The following DRD3 variants were observed in gnomAD, a reference collection of about 807,000 sequenced individuals.
DRD3 encodes the protein dopamine receptor D3, also known as D(3) dopamine receptor.
In DRD3, 19 loss-of-function variants were observed where a neutral mutation model predicts 36.3. The observed-to-expected ratio is 0.52, with a 90% CI of 0.36 to 0.77. The LOEUF is 0.77. Ranked by LOEUF, DRD3 falls within the 30% of genes least tolerant of loss-of-function variation. The pLI is 0.00. For synonymous variants in DRD3, 195 were observed against 203.7 expected (o/e 0.96, Z 0.36); for missense variants, 465 against 505.3 (o/e 0.92, Z 0.77).
At chr3:114,160,561 A>G (rs1419394813) in intron 2 of DRD3, among the ~76,000 whole-genome samples, 1 of 152,242 alleles carries the variant, frequency 6.6e-6, no homozygotes, top group Non-Finnish European at 1.5e-5. Flanking sequence ...GACTTCGGTG[A>G]CTACCCGATG....
At position 114,128,092 on chromosome 3, in the gene DRD3, T is replaced by C. The variant is rs1053600425; in HGVS notation, c.*624A>G. 6.6e-6 allele frequency among the ~76,000 whole-genome samples: 1 copy of C among 152,144 alleles called. No individual in the cohort carries two copies. Among genetic ancestry groups the C allele is most frequent in the Non-Finnish European group, 1.5e-5 (1 of 68,026 alleles). ...CTTAGCTAAAGCTAAAATACAAGGGTAGCAAAGTTTGAAATGAAGCCCCCA... is the reference window on the plus strand; with the variant it reads ...CTTAGCTAAAGCTAAAATACAAGGGCAGCAAAGTTTGAAATGAAGCCCCCA... On this transcript the variant is annotated 3_prime_UTR_variant, in exon 7 of 7. Coordinates refer to ENST00000383673, the MANE Select transcript of DRD3 (RefSeq NM_000796.6).
At chr3:114,169,209 G>A (rs1287599935) in intron 2 of DRD3, among the ~76,000 whole-genome samples, 4 of 151,418 alleles carry the variant, frequency 2.6e-5, no homozygotes, top group Non-Finnish European at 4.4e-5. Context: ...CTTTCATTAA[G>A]GTGCCTCATT....
At chr3:114,133,847 C>T (rs1290368330) in intron 5 of DRD3, among the ~76,000 whole-genome samples, 4 of 152,174 alleles carry the variant, frequency 2.6e-5, no homozygotes, top group Non-Finnish European at 4.4e-5. Context: ...CACTTCATAC[C>T]TCCATTCCCA....
At chr3:114,163,089 C>G (rs2077749014) in intron 2 of DRD3, among the ~76,000 whole-genome samples, 1 of 152,192 alleles carries the variant, frequency 6.6e-6, no homozygotes, top group Non-Finnish European at 1.5e-5. Flanking sequence ...TGGCTATCCT[C>G]TTTTCTTGTC....
intron 4 of DRD3, among the ~76,000 whole-genome samples, chr3:114,142,004 C>T (rs1040875989): frequency 1.8e-4 from 25 of 141,628 alleles, no homozygotes; most frequent in African/African-American, 6.1e-4. Flanking sequence ...GCTGAGATCG[C>T]GCCATTGCAC....
intron 3 of DRD3, among the ~76,000 whole-genome samples, chr3:114,156,287 G>A (rs768637850): frequency 2.6e-5 from 4 of 152,032 alleles, no homozygotes; most frequent in Non-Finnish European, 4.4e-5. Flanking sequence ...ATTACTTCCT[G>A]GATAGTCCAC....
At chr3:114,150,135 A>G (rs2077604020) in intron 3 of DRD3, among the ~76,000 whole-genome samples, 1 of 148,554 alleles carries the variant, frequency 6.7e-6, no homozygotes, top group East Asian at 2.0e-4. Flanking sequence ...ACCTCAACTT[A>G]CGTTGCCAAT....
chr3:114,197,436 A>G (rs1235158824), intron 1 of DRD3, among the ~76,000 whole-genome samples: 1 of 151,912 alleles, frequency 6.6e-6, no homozygotes, highest in Non-Finnish European at 1.5e-5. Context: ...TGTCTTCTAA[A>G]GGGCATAAGT....
chr3:114,198,147 A>G (rs1391016453), intron 1 of DRD3, among the ~76,000 whole-genome samples: 1 of 151,748 alleles, frequency 6.6e-6, no homozygotes. Context: ...CAGGTCTTTT[A>G]TATCTTTTGT....
At chr3:114,144,184 T>G (rs1183869186) in intron 4 of DRD3, among the ~76,000 whole-genome samples, 1 of 152,232 alleles carries the variant, frequency 6.6e-6, no homozygotes, top group Non-Finnish European at 1.5e-5. Flanking sequence ...CAGGAGCAAC[T>G]CCAAGTTGGA....
intron 1 of DRD3, among the ~76,000 whole-genome samples, chr3:114,173,352 A>G (rs187661660): frequency 6.6e-6 from 1 of 152,330 alleles, no homozygotes; most frequent in Admixed American, 6.5e-5. Context: ...TAACCTCTAT[A>G]GAATGATGTT....
intron 3 of DRD3, among the ~76,000 whole-genome samples, chr3:114,148,144 T>C (rs554217354): frequency 6.6e-6 from 1 of 152,288 alleles, no homozygotes; most frequent in Non-Finnish European, 1.5e-5. Flanking sequence ...TAACACAGGA[T>C]CACTGGATTG....
chr3:114,148,058 T>C (rs1171345910), intron 3 of DRD3, among the ~76,000 whole-genome samples: 1 of 152,142 alleles, frequency 6.6e-6, no homozygotes, highest in Non-Finnish European at 1.5e-5. Context: ...AGGTCAAAAA[T>C]AGCAGAAAGG....
At position 114,186,078 on chromosome 3, in the gene DRD3, C is replaced by A. The variant is rs76739663; in HGVS notation, c.-155-7302G>T. ...AGCCTGACGTGCAAATTTAAGGTTTCTTTTCTAAATCTGCACCTTTCCCTA... is the reference window on the plus strand; with the variant it reads ...AGCCTGACGTGCAAATTTAAGGTTTATTTTCTAAATCTGCACCTTTCCCTA... On this transcript the variant is annotated intron_variant, in intron 1 of 7. Coordinates refer to the DRD3 transcript ENST00000460779. Among the ~76,000 whole-genome samples, 240 of 152,240 alleles carry A rather than the reference C, an allele frequency of 1.6e-3. 1 individual carries two copies. Among genetic ancestry groups the A allele is most frequent in the African/African-American group, 5.5e-3 (230 of 41,544 alleles).
chr3:114,194,252 G>A (rs541510875), intron 1 of DRD3, among the ~76,000 whole-genome samples: 10 of 152,100 alleles, frequency 6.6e-5, no homozygotes, highest in Non-Finnish European at 1.3e-4. Flanking sequence ...GCACACCATA[G>A]TAGGACCCTC....
chr3:114,178,283 A>T (rs2077920441), intron 1 of DRD3, among the ~76,000 whole-genome samples: 1 of 152,158 alleles, frequency 6.6e-6, no homozygotes, highest in Non-Finnish European at 1.5e-5. Flanking sequence ...TGCTGAATTG[A>T]GGAGTTTAAA....
intron 1 of DRD3, among the ~76,000 whole-genome samples, chr3:114,191,713 G>A (rs1453512240): frequency 6.6e-6 from 1 of 152,150 alleles, no homozygotes; most frequent in African/African-American, 2.4e-5. Context: ...CTAGAGATGG[G>A]GAAGAGTGAA....
chr3:114,192,777 C>T (rs1037034274), intron 1 of DRD3, among the ~76,000 whole-genome samples: 8 of 152,072 alleles, frequency 5.3e-5, no homozygotes, highest in South Asian at 2.1e-4. Flanking sequence ...TCAATTGATG[C>T]GATAAGCAAA....
chr3:114,180,428 A>G (rs532990907), upstream of DRD3, among the ~76,000 whole-genome samples: 6 of 152,136 alleles, frequency 3.9e-5, no homozygotes, highest in Admixed American at 1.3e-4. Flanking sequence ...CCCTAATCCA[A>G]TATGACTGGT....
Sources: gnomAD v4.1 joint callset for allele counts (sites outside exome capture counted in the v4.1 genomes callset) on GRCh38, gnomAD v4.1.1 for gene constraint, MANE v1.5 for transcripts, NCBI Gene and HGNC (gene_info 2026-07-23, HGNC 2026-07-21) for gene names.